Variants in KCNIP4 observed in about 807,000 individuals in gnomAD.
KCNIP4 encodes the protein Kv channel-interacting protein 4.
In KCNIP4, 12 loss-of-function variants were observed where a neutral mutation model predicts 34.0. That is an observed-to-expected ratio of 0.35 (90% confidence interval 0.23 to 0.57). The LOEUF (loss-of-function observed/expected upper bound fraction) is 0.57. KCNIP4 is among the 20% of genes least tolerant of loss of function. KCNIP4 has a pLI of 0.83. For synonymous variants in KCNIP4, 124 were observed against 102.2 expected, an observed-to-expected ratio of 1.21 and a Z score of -1.29; for missense variants, 238 against 311.7, an observed-to-expected ratio of 0.76 and a Z score of 1.78.
intron 1 of KCNIP4, among the ~76,000 whole-genome samples, chr4:21,086,335 T>C (rs1746427214): frequency 6.6e-6 from 1 of 152,200 alleles, no homozygotes; most frequent in African/African-American, 2.4e-5. Context: ...ATTATCTATT[T>C]AAATGCCCAT....
intron 1 of KCNIP4, among the ~76,000 whole-genome samples, chr4:21,741,764 C>A (rs755715840): frequency 6.6e-6 from 1 of 152,086 alleles, no homozygotes; most frequent in African/African-American, 2.4e-5. Flanking sequence ...CTAGGCCGGG[C>A]GTGGTGGCTC....
intron 1 of KCNIP4, among the ~76,000 whole-genome samples, chr4:21,351,449 T>C (rs568985117): frequency 6.6e-6 from 1 of 152,322 alleles, no homozygotes; most frequent in Non-Finnish European, 1.5e-5. Context: ...TTCCTTCACC[T>C]TCCACCATGA....
chr4:21,891,174 C>A (rs114577465), intron 1 of KCNIP4, among the ~76,000 whole-genome samples: 2,119 of 152,024 alleles, frequency 0.014, 52 homozygotes, highest in African/African-American at 0.047. Context: ...GGAATGAATA[C>A]CTGGGTTGAC....
At chr4:20,772,350 C>T (rs1385433468) in intron 3 of KCNIP4, among the ~76,000 whole-genome samples, 1 of 152,274 alleles carries the variant, frequency 6.6e-6, no homozygotes, top group South Asian at 2.1e-4. Flanking sequence ...AGGAGCGTAA[C>T]GGTTAATCAA....
intron 1 of KCNIP4, among the ~76,000 whole-genome samples, chr4:21,321,426 G>A (rs1560288002): frequency 6.6e-6 from 1 of 152,198 alleles, no homozygotes; most frequent in East Asian, 1.9e-4. Flanking sequence ...TACAGATATT[G>A]GGAAGATGTA....
At chr4:20,881,715 C>A (rs1298214161) in intron 2 of KCNIP4, among the ~76,000 whole-genome samples, 1 of 152,158 alleles carries the variant, frequency 6.6e-6, no homozygotes. Context: ...GTTCGGCAGG[C>A]TATAGTACAC....
At chr4:21,271,946 T>C (rs13146289) in intron 1 of KCNIP4, among the ~76,000 whole-genome samples, 39,032 of 152,084 alleles carry the variant, frequency 0.26, 5,196 homozygotes, top group South Asian at 0.35. Context: ...TGTGCTTTCT[T>C]CATCAGCAAC....
chr4:20,813,677 A>G (rs1716040226), intron 3 of KCNIP4, among the ~76,000 whole-genome samples: 1 of 152,210 alleles, frequency 6.6e-6, no homozygotes, highest in Non-Finnish European at 1.5e-5. Context: ...CACAACAGAA[A>G]TAATGTCAAA....
chr4:21,087,241 A>G (rs537486240), intron 1 of KCNIP4, among the ~76,000 whole-genome samples: 2 of 148,206 alleles, frequency 1.3e-5, no homozygotes, highest in Admixed American at 1.4e-4. Context: ...CAGTGGCATG[A>G]TCTCAGCTCA....
chr4:21,249,368 G>A (rs555491528), intron 1 of KCNIP4, among the ~76,000 whole-genome samples: 9 of 152,238 alleles, frequency 5.9e-5, no homozygotes, highest in African/African-American at 2.2e-4. Flanking sequence ...GATGGTGTTG[G>A]AAATGGCAGT....
intron 1 of KCNIP4, among the ~76,000 whole-genome samples, chr4:21,485,126 CT>C (rs1279801062): frequency 6.6e-6 from 1 of 152,282 alleles, no homozygotes; most frequent in Admixed American, 6.5e-5. Context: ...GCTCTAAAAT[CT>C]TTACACTTAT....
chr4:21,493,320 T>A lies in KCNIP4; in HGVS notation c.61+455251A>T, dbSNP rs142682808. On this transcript the variant is annotated intron_variant, in intron 1 of 8. Coordinates refer to ENST00000382152, the MANE Select transcript of KCNIP4 (RefSeq NM_025221.6). Reference sequence around the variant, plus strand: ...AGTGCCATTAGGTGTGTTGTGATTATCTTTTAAGACATCCGCTAGACCAAT... The same window carrying A: ...AGTGCCATTAGGTGTGTTGTGATTAACTTTTAAGACATCCGCTAGACCAAT... Among the ~76,000 whole-genome samples, 781 of 152,182 alleles carry A rather than the reference T, an allele frequency of 5.1e-3. 11 individuals carry two copies. The highest frequency in any genetic ancestry group is 0.018 in the African/African-American group (743 of 41,556).
chr4:21,795,645 C>CT (rs796560456), intron 1 of KCNIP4, among the ~76,000 whole-genome samples: 18 of 150,208 alleles, frequency 1.2e-4, no homozygotes, highest in East Asian at 9.8e-4. Flanking sequence ...TCACACAATA[C>CT]TTTTTTTTTT....
At chr4:21,896,713 G>GT (rs1424429708) in intron 1 of KCNIP4, among the ~76,000 whole-genome samples, 1 of 152,086 alleles carries the variant, frequency 6.6e-6, no homozygotes, top group Non-Finnish European at 1.5e-5. Flanking sequence ...GAGGTTAGGA[G>GT]TTTGAGATCA....
rs138494372 is a variant in KCNIP4 at position 21,594,710 on chromosome 4, T to C, written c.61+353861A>G. 3.4e-3 allele frequency among the ~76,000 whole-genome samples: 516 copies of C among 151,936 alleles called. 6 individuals carry two copies. Among genetic ancestry groups the C allele is most frequent in the African/African-American group, 0.012 (481 of 41,348 alleles). ...CTCAGAGATAAAGATAATTTAAAAA[T>C]TACATGCAACAAAAAATTGATGGAA... On this transcript the variant is annotated intron_variant, in intron 1 of 8. Coordinates refer to ENST00000382152, the MANE Select transcript of KCNIP4 (RefSeq NM_025221.6).
chr4:21,551,649 C>T (rs1738593906), intron 1 of KCNIP4, among the ~76,000 whole-genome samples: 1 of 151,570 alleles, frequency 6.6e-6, no homozygotes, highest in South Asian at 2.1e-4. Context: ...TCAATTTCTT[C>T]TCTCTTGGAG....
At chr4:21,152,871 G>T (rs569365110) in intron 1 of KCNIP4, among the ~76,000 whole-genome samples, 2 of 152,262 alleles carry the variant, frequency 1.3e-5, no homozygotes, top group African/African-American at 4.8e-5. Context: ...ATCTGAGGTC[G>T]AACAGTTTCC....
intron 5 of KCNIP4, among the ~76,000 whole-genome samples, chr4:20,735,537 T>G (rs935658676): frequency 2.7e-5 from 4 of 146,756 alleles, no homozygotes; most frequent in East Asian, 2.0e-4. Flanking sequence ...TTTGTTTTTT[T>G]TTTTTTTTTT....
intron 1 of KCNIP4, among the ~76,000 whole-genome samples, chr4:21,730,839 G>A (rs967694988): frequency 1.3e-5 from 2 of 152,096 alleles, no homozygotes; most frequent in African/African-American, 4.8e-5. Flanking sequence ...TAGGCTGGGC[G>A]CAGTGGCTCA....
Sources: allele counts gnomAD v4.1 joint callset (sites outside exome capture counted in the v4.1 genomes callset), GRCh38; gene constraint gnomAD v4.1.1; transcripts MANE v1.5; gene names NCBI Gene and HGNC (gene_info 2026-07-23, HGNC 2026-07-21).